Variants in PRKCB observed in about 807,000 individuals in gnomAD.
The protein encoded by PRKCB is protein kinase C beta type.
Under a neutral mutation model 81.5 loss-of-function variants are expected in PRKCB, and 13 were observed. The ratio of observed to expected loss-of-function variants is 0.16; its 90% CI spans 0.10 to 0.25. PRKCB has a LOEUF of 0.25. Ranked by LOEUF, PRKCB falls within the 10% of genes least tolerant of loss-of-function variation. The probability of loss-of-function intolerance (pLI) is 1.00; values close to 1 mark genes in which losing one functional copy is unlikely to be tolerated. For synonymous variants in PRKCB, 335 were observed against 321.4 expected, an observed-to-expected ratio of 1.04 and a Z score of -0.45; for missense variants, 509 against 875.7, an observed-to-expected ratio of 0.58 and a Z score of 5.29.
intron 2 of PRKCB, among the ~76,000 whole-genome samples, chr16:23,885,730 T>A (rs1361578821): frequency 2.0e-5 from 3 of 152,238 alleles, no homozygotes; most frequent in Non-Finnish European, 4.4e-5. Context: ...GCACTGGATT[T>A]ATTTTTAAAT....
At position 24,123,923 on chromosome 16, in the gene PRKCB, G is replaced by A. The variant is rs1163412779; in HGVS notation, c.1007G>A (p.Arg336Gln). 2.0e-5 allele frequency: 33 copies of A among 1,614,166 alleles called. No individual in the cohort carries two copies. The highest frequency in any genetic ancestry group is 9.3e-5 in the African/African-American group (7 of 75,052). ...TTTGACAACAATGGCAACAGAGACC[G>A]GATGAAACTGACCGATTTTAACTTC... ...SKFDNNGNRD[R>Q]MKLTDFNFLM... The change falls in exon 9 of 17, where the codon CGG becomes CAG. Residue 336 changes from arginine to glutamine, a missense_variant. Arg to Gln is a conservative substitution (Grantham distance 43). Transcript: ENST00000643927.
Position 24,159,719 on chromosome 16 carries a change from C to T in PRKCB, c.1239+4862C>T, listed in dbSNP as rs148876721. Among the ~76,000 whole-genome samples, 566 of 152,236 alleles carry T rather than the reference C, an allele frequency of 3.7e-3. 3 individuals carry two copies. Among genetic ancestry groups the T allele is most frequent in the Non-Finnish European group, 5.9e-3 (402 of 68,008 alleles). Reference sequence around the variant, plus strand: ...AGAATATTTTCACTTTACAGCCAGGCACAGTGGCTCACACCTGTAACACCA... The same window carrying T: ...AGAATATTTTCACTTTACAGCCAGGTACAGTGGCTCACACCTGTAACACCA... On this transcript the variant is annotated intron_variant, in intron 10 of 16. Transcript: ENST00000643927.
intron 5 of PRKCB, among the ~76,000 whole-genome samples, chr16:24,074,560 T>G (rs1430439227): frequency 1.3e-5 from 2 of 152,202 alleles, no homozygotes; most frequent in Non-Finnish European, 2.9e-5. Flanking sequence ...TTTTCTATCA[T>G]ATTTTGGAAT....
intron 4 of PRKCB, among the ~76,000 whole-genome samples, chr16:24,032,926 G>A (rs971444237): frequency 3.3e-5 from 5 of 152,222 alleles, no homozygotes; most frequent in Non-Finnish European, 5.9e-5. Flanking sequence ...TGAGATGTGG[G>A]GCTGATGCAT....
intron 2 of PRKCB, among the ~76,000 whole-genome samples, chr16:23,913,142 CAGCCCTGGG>C (rs993530772): frequency 1.3e-5 from 2 of 152,110 alleles, no homozygotes; most frequent in African/African-American, 4.8e-5. Context: ...GGACACCAGG[CAGCCCTGGG>C]AGGCCATCTT....
intron 9 of PRKCB, among the ~76,000 whole-genome samples, chr16:24,141,762 A>C (rs971433617): frequency 6.6e-6 from 1 of 152,174 alleles, no homozygotes; most frequent in African/African-American, 2.4e-5. Flanking sequence ...TTACCCAGGG[A>C]GGATCCTGGA....
At chr16:23,887,558 T>C (rs564698931) in intron 2 of PRKCB, among the ~76,000 whole-genome samples, 1 of 152,378 alleles carries the variant, frequency 6.6e-6, no homozygotes, top group South Asian at 2.1e-4. Context: ...TAGTATTCCA[T>C]AGTGTATATG....
At chr16:24,068,805 G>A (rs1966072668) in intron 5 of PRKCB, among the ~76,000 whole-genome samples, 1 of 152,202 alleles carries the variant, frequency 6.6e-6, no homozygotes, top group Admixed American at 6.5e-5. Flanking sequence ...AAAGAAGGGT[G>A]TTGTGAGCAT....
intron 9 of PRKCB, among the ~76,000 whole-genome samples, chr16:24,152,420 G>A (rs1397452986): frequency 6.6e-6 from 1 of 152,192 alleles, no homozygotes; most frequent in Non-Finnish European, 1.5e-5. Flanking sequence ...TGGGGACACA[G>A]CCAAACCATA....
intron 7 of PRKCB, among the ~76,000 whole-genome samples, chr16:24,094,853 A>AAGGAAGGAAGGAAGGAAGGAAGGG (rs771070281): frequency 7.2e-4 from 100 of 139,710 alleles, no homozygotes; most frequent in Non-Finnish European, 1.2e-3. Context: ...GGAAGGAAGG[A>AAGGAAGGAAGGAAGGAAGGAAGGG]AAGGAAGAAA....
At chr16:24,170,505 G>A (rs977152102) in intron 10 of PRKCB, among the ~76,000 whole-genome samples, 9 of 151,932 alleles carry the variant, frequency 5.9e-5, no homozygotes, top group Non-Finnish European at 1.5e-5. Context: ...CCAAAGGAAC[G>A]TAGCGTAAAG....
chr16:24,044,373 A>T (rs894105369), intron 5 of PRKCB, among the ~76,000 whole-genome samples: 1 of 152,152 alleles, frequency 6.6e-6, no homozygotes, highest in Non-Finnish European at 1.5e-5. Context: ...AAAAAAAGAA[A>T]AGAAAAGACT....
At chr16:24,105,611 G>A (rs1310061976) in intron 7 of PRKCB, among the ~76,000 whole-genome samples, 1 of 152,114 alleles carries the variant, frequency 6.6e-6, no homozygotes, top group Non-Finnish European at 1.5e-5. Context: ...CAACTTATGA[G>A]TGAGAACATG....
chr16:24,021,072 C>CTCCCTTCTTTCTTTCTTTCTTTCTTTCT, intron 3 of PRKCB, among the ~76,000 whole-genome samples: 10 of 94,372 alleles, frequency 1.1e-4, no homozygotes, highest in Admixed American at 1.0e-4. Flanking sequence ...CCCTCCCTCC[C>CTCCCTTCTTTCTTTCTTTCTTTCTTTCT]TTCTTTCTTT....
intron 2 of PRKCB, among the ~76,000 whole-genome samples, chr16:23,977,394 C>T (rs1301534531): frequency 6.6e-6 from 1 of 152,144 alleles, no homozygotes; most frequent in African/African-American, 2.4e-5. Flanking sequence ...ACCACCCTCT[C>T]CTCACAGCCC....
intron 2 of PRKCB, among the ~76,000 whole-genome samples, chr16:23,939,149 GA>G (rs1266039621): frequency 1.3e-5 from 2 of 152,126 alleles, no homozygotes; most frequent in East Asian, 1.9e-4. Context: ...TTGCTCAAAG[GA>G]AAAAAATAAT....
chr16:24,085,149 G>GAAAAAA (rs11444083), intron 5 of PRKCB, among the ~76,000 whole-genome samples: 1 of 138,192 alleles, frequency 7.2e-6, no homozygotes, highest in African/African-American at 2.7e-5. Context: ...TTGATGAAAT[G>GAAAAAA]AAAAAAAAAA....
At chr16:24,058,202 C>G (rs1208034882) in intron 5 of PRKCB, among the ~76,000 whole-genome samples, 1 of 152,168 alleles carries the variant, frequency 6.6e-6, no homozygotes, top group Non-Finnish European at 1.5e-5. Flanking sequence ...TCTCAGAAAG[C>G]CCGCCTCTGA....
chr16:23,934,857 G>A (rs1381231780), intron 2 of PRKCB, among the ~76,000 whole-genome samples: 1 of 152,176 alleles, frequency 6.6e-6, no homozygotes, highest in Non-Finnish European at 1.5e-5. Flanking sequence ...TGTGGTAGGA[G>A]TGTGATCCAC....
Sources: gnomAD v4.1 joint callset for allele counts (sites outside exome capture counted in the v4.1 genomes callset) on GRCh38, gnomAD v4.1.1 for gene constraint, MANE v1.5 for transcripts, NCBI Gene and HGNC (gene_info 2026-07-23, HGNC 2026-07-21) for gene names.